CAP2: variants seen among roughly 807,000 people sequenced by gnomAD.
CAP2 encodes the protein adenylyl cyclase-associated protein 2.
CAP2 carries 24 observed loss-of-function variants against 57.7 expected under a neutral mutation model. The ratio of observed to expected loss-of-function variants is 0.42; its 90% CI spans 0.30 to 0.58. CAP2 has a LOEUF of 0.58. CAP2 is among the 20% of genes least tolerant of loss of function. CAP2 has a pLI of 0.22. For missense variants in CAP2, 501 were observed against 590.3 expected (o/e 0.85, Z 1.57); for synonymous variants, 194 against 207.2 (o/e 0.94, Z 0.55).
intron 11 of CAP2, among the ~76,000 whole-genome samples, chr6:17,547,566 G>A (rs139717357): frequency 1.5e-3 from 235 of 152,304 alleles, no homozygotes; most frequent in African/African-American, 5.3e-3. Context: ...AACTGACCGG[G>A]CACGGTGGCT....
chr6:17,403,082 TTTTA>T (rs1463930374), intron 1 of CAP2, among the ~76,000 whole-genome samples: 3 of 152,104 alleles, frequency 2.0e-5, no homozygotes, highest in Non-Finnish European at 2.9e-5. Context: ...CATTGACCCA[TTTTA>T]TTTATTTTTA....
Position 17,507,635 on chromosome 6 carries a change from TC to T in CAP2, c.445-5del, listed in dbSNP as rs1235296281. Reference sequence around the variant, plus strand: ...CTATGCTTGGGTGACGGTCCTGTTTTCTCAGTCTCCCAAACCTGGTCCTTAT... The same window carrying T: ...CTATGCTTGGGTGACGGTCCTGTTTTTCAGTCTCCCAAACCTGGTCCTTAT... On this transcript the variant is annotated splice_polypyrimidine_tract_variant and splice_region_variant and intron_variant, in intron 5 of 12. Coordinates refer to ENST00000229922, the MANE Select transcript of CAP2 (RefSeq NM_006366.3). The T allele has an allele frequency of 6.4e-7, 1 of 1,568,036 alleles. No individual in the cohort carries two copies. Among genetic ancestry groups the T allele is most frequent in the East Asian group, 2.2e-5 (1 of 44,672 alleles).
intron 3 of CAP2, among the ~76,000 whole-genome samples, chr6:17,434,219 T>C (rs1300077080): frequency 2.0e-5 from 3 of 149,180 alleles, no homozygotes; most frequent in Admixed American, 2.0e-4. Context: ...TTCTTTTTTT[T>C]TCTCTTTTTT....
intron 2 of CAP2, among the ~76,000 whole-genome samples, chr6:17,423,606 A>G (rs1223890608): frequency 7.9e-5 from 12 of 152,158 alleles, no homozygotes; most frequent in Non-Finnish European, 1.3e-4. Context: ...GGGAGACTAT[A>G]TAGTATTATT....
intron 9 of CAP2, among the ~76,000 whole-genome samples, chr6:17,541,628 T>C (rs1762903785): frequency 6.6e-6 from 1 of 152,184 alleles, no homozygotes; most frequent in Non-Finnish European, 1.5e-5. Context: ...AGGGTGTCCA[T>C]TACCTTGAGT....
At chr6:17,421,186 T>C in intron 1 of CAP2, among the ~76,000 whole-genome samples, 1 of 151,954 alleles carries the variant, frequency 6.6e-6, no homozygotes, top group East Asian at 1.9e-4. Context: ...GGAGCTAAGC[T>C]ATGAGGACGC....
At chr6:17,394,936 T>G (rs1354157939) in intron 1 of CAP2, among the ~76,000 whole-genome samples, 2 of 152,230 alleles carry the variant, frequency 1.3e-5, no homozygotes, top group African/African-American at 2.4e-5. Flanking sequence ...ATTCAGTACC[T>G]TAAGTGTAGA....
chr6:17,451,132 G>T (rs1760390753), intron 3 of CAP2, among the ~76,000 whole-genome samples: 2 of 151,878 alleles, frequency 1.3e-5, no homozygotes, highest in Non-Finnish European at 2.9e-5. Context: ...CTCTTGTCTT[G>T]AGGAGCCCGA....
intron 7 of CAP2, chr6:17,536,184 C>A (rs1762769107): frequency 6.6e-6 from 3 of 456,418 alleles, no homozygotes; most frequent in South Asian, 4.6e-5. Flanking sequence ...CACTTGTGGC[C>A]AGACATAAGA....
chr6:17,440,956 T>C (rs564454641), intron 3 of CAP2, among the ~76,000 whole-genome samples: 4 of 151,330 alleles, frequency 2.6e-5, no homozygotes, highest in Non-Finnish European at 5.9e-5. Flanking sequence ...TTGCTCAGAA[T>C]GATGGTTTCC....
intron 4 of CAP2, among the ~76,000 whole-genome samples, chr6:17,475,556 G>T (rs760675964): frequency 3.1e-4 from 47 of 152,274 alleles, no homozygotes; most frequent in South Asian, 1.0e-3. Flanking sequence ...TAGATGTGTG[G>T]CGCTAACGAT....
intron 7 of CAP2, among the ~76,000 whole-genome samples, chr6:17,527,004 G>A (rs115367515): frequency 1.9e-3 from 286 of 149,546 alleles, no homozygotes; most frequent in Non-Finnish European, 2.9e-3. Context: ...CCCTGGCCAC[G>A]GTTTATTGGT....
chr6:17,489,831 G>A (rs929575368), intron 4 of CAP2, among the ~76,000 whole-genome samples: 2 of 151,944 alleles, frequency 1.3e-5, no homozygotes, highest in Non-Finnish European at 2.9e-5. Flanking sequence ...TTGTAATCTA[G>A]TAGGTCCATC....
chr6:17,493,894 G>C (rs2113638625), intron 4 of CAP2, among the ~76,000 whole-genome samples: 1 of 152,080 alleles, frequency 6.6e-6, no homozygotes, highest in East Asian at 1.9e-4. Flanking sequence ...CGGAATTCCT[G>C]GTCTTTGCGC....
intron 3 of CAP2, among the ~76,000 whole-genome samples, chr6:17,429,878 A>G (rs1180547597): frequency 9.2e-5 from 14 of 152,234 alleles, no homozygotes; most frequent in Admixed American, 7.8e-4. Flanking sequence ...TCTCGCTTAC[A>G]GAACCATGTG....
At chr6:17,434,324 G>A (rs561203204) in intron 3 of CAP2, among the ~76,000 whole-genome samples, 1 of 151,300 alleles carries the variant, frequency 6.6e-6, no homozygotes, top group South Asian at 2.1e-4. Context: ...CGCCTCCCAG[G>A]TTCAAGCAAT....
chr6:17,543,221 C>T (rs769645810), intron 11 of CAP2, 78 bp downstream of exon 11: 273 of 1,212,568 alleles, frequency 2.3e-4, no homozygotes, highest in Non-Finnish European at 3.3e-4. Flanking sequence ...GCCTTTCCAA[C>T]CACGCTGTAG....
chr6:17,400,905 G>A, intron 1 of CAP2, among the ~76,000 whole-genome samples: 1 of 151,020 alleles, frequency 6.6e-6, no homozygotes. Context: ...TTATGAAAAT[G>A]AATTATTTTA....
At chr6:17,401,705 A>T (rs2113501486) in intron 1 of CAP2, among the ~76,000 whole-genome samples, 1 of 152,324 alleles carries the variant, frequency 6.6e-6, no homozygotes, top group African/African-American at 2.4e-5. Context: ...CAGATCCACA[A>T]TTATTTAGGC....
Sources: allele counts gnomAD v4.1 joint callset (sites outside exome capture counted in the v4.1 genomes callset), GRCh38; gene constraint gnomAD v4.1.1; transcripts MANE v1.5; gene names NCBI Gene and HGNC (gene_info 2026-07-23, HGNC 2026-07-21).